The following ATP10B variants were observed in gnomAD, a reference collection of about 807,000 sequenced individuals.
The protein encoded by ATP10B is phospholipid-transporting ATPase VB.
In ATP10B, 122 loss-of-function variants were observed where a neutral mutation model predicts 141.2. The ratio of observed to expected loss-of-function variants is 0.86; its 90% CI spans 0.75 to 1.00. ATP10B has a LOEUF of 1.00. Ranked by LOEUF, ATP10B falls within the 50% of genes least tolerant of loss-of-function variation. The probability of loss-of-function intolerance (pLI) is 0.00; values close to 1 mark genes in which losing one functional copy is unlikely to be tolerated. For missense variants in ATP10B, 1,876 were observed against 1,825.3 expected, an observed-to-expected ratio of 1.03 and a Z score of -0.51; for synonymous variants, 685 against 692.0, an observed-to-expected ratio of 0.99 and a Z score of 0.16.
At position 160,602,154 on chromosome 5, in the gene ATP10B, G is replaced by A. The variant is rs552915740; in HGVS notation, c.3363+423C>T. Reference sequence around the variant, plus strand: ...CTAACTTTATAAACGATTACGATACGCTAATCACTTTATATACAAATTCTC... The same window carrying A: ...CTAACTTTATAAACGATTACGATACACTAATCACTTTATATACAAATTCTC... On this transcript the variant is annotated intron_variant, in intron 21 of 25. Coordinates refer to ENST00000327245, the MANE Select transcript of ATP10B (RefSeq NM_025153.3). Among the ~76,000 whole-genome samples the A allele has an allele frequency of 1.7e-4, 26 of 152,222 alleles. No homozygotes were observed. The South Asian group carries it at 5.0e-3, about 29-fold the overall frequency.
At chr5:160,831,580 TC>T (rs1287381572) in intron 1 of ATP10B, among the ~76,000 whole-genome samples, 2 of 152,070 alleles carry the variant, frequency 1.3e-5, no homozygotes, top group African/African-American at 4.8e-5. Context: ...AGGTAACACC[TC>T]AGGCTTCCTT....
intron 17 of ATP10B, chr5:160,613,865 A>T (rs1431600839): frequency 6.6e-6 from 1 of 152,242 alleles, no homozygotes. Flanking sequence ...TTCATTTCAG[A>T]TCACAGACTA....
intron 4 of ATP10B, among the ~76,000 whole-genome samples, 196 bp from the exon 5 acceptor site, chr5:160,688,290 T>C (rs150807081): frequency 1.3e-5 from 2 of 152,326 alleles, no homozygotes; most frequent in East Asian, 1.9e-4. Flanking sequence ...ATTTCTGACA[T>C]TAGAGTCATA....
At chr5:160,898,677 T>C in the ATP10B span, among the ~76,000 whole-genome samples, 1 of 152,192 alleles carries the variant, frequency 6.6e-6, no homozygotes, top group Non-Finnish European at 1.5e-5. Context: ...ATCATTCTAC[T>C]ATAAAGACAC....
upstream of ATP10B, among the ~76,000 whole-genome samples, chr5:160,853,525 T>C (rs1158947522): frequency 6.6e-6 from 1 of 152,170 alleles, no homozygotes; most frequent in Non-Finnish European, 1.5e-5. Flanking sequence ...TTTCCATCAC[T>C]GGTCTTTCTC....
At chr5:160,929,066 G>A in the ATP10B span, among the ~76,000 whole-genome samples, 1 of 152,182 alleles carries the variant, frequency 6.6e-6, no homozygotes, top group African/African-American at 2.4e-5. Flanking sequence ...GGCTGAGGGT[G>A]AAAACAGCTT....
At chr5:160,628,169 G>C (rs758045866) in intron 13 of ATP10B, among the ~76,000 whole-genome samples, 2 of 152,258 alleles carry the variant, frequency 1.3e-5, no homozygotes, top group Non-Finnish European at 2.9e-5. Flanking sequence ...GGATTGTTAG[G>C]GGAAGCTTTT....
chr5:160,646,795 G>C (rs940658185), intron 8 of ATP10B, among the ~76,000 whole-genome samples: 3 of 152,214 alleles, frequency 2.0e-5, no homozygotes, highest in Non-Finnish European at 4.4e-5. Context: ...AAAAGGATTT[G>C]CTATCTTATA....
chr5:160,565,357 G>A lies in ATP10B; in HGVS notation c.*96C>T, dbSNP rs1754467680. On this transcript the variant is annotated 3_prime_UTR_variant, in exon 26 of 26. Coordinates refer to ENST00000327245, the MANE Select transcript of ATP10B (RefSeq NM_025153.3). ...GTTGTTGAAGAAAAGAATAAGACTG[G>A]CACATTGTTTCCTCTATGAAGAAGA... is the stretch of plus-strand genomic sequence containing the variant. 8.0e-7 allele frequency: 1 copy of A among 1,243,746 alleles called. No homozygotes were observed. The highest frequency in any genetic ancestry group is 1.5e-5 in the African/African-American group (1 of 66,738). 77.0% of individuals were successfully genotyped at this position (1,243,746 alleles called of 1,614,324 possible). A position where few individuals can be genotyped will look rare whatever the true frequency, so the allele number is the denominator to read the frequency against.
At chr5:160,900,686 C>T in the ATP10B span, among the ~76,000 whole-genome samples, 3 of 152,074 alleles carry the variant, frequency 2.0e-5, no homozygotes, top group African/African-American at 7.2e-5. Flanking sequence ...ACATAAAGAA[C>T]ACATTCAATA....
At chr5:160,829,936 C>T (rs1774946706) in intron 1 of ATP10B, among the ~76,000 whole-genome samples, 1 of 151,992 alleles carries the variant, frequency 6.6e-6, no homozygotes, top group South Asian at 2.1e-4. Context: ...TATCCGGATG[C>T]CTTTTATTTC....
chr5:160,697,452 A>G (rs1764435680), intron 3 of ATP10B, among the ~76,000 whole-genome samples: 1 of 152,202 alleles, frequency 6.6e-6, no homozygotes, highest in Non-Finnish European at 1.5e-5. Flanking sequence ...TCTTATGAGC[A>G]CAAAAAAGTG....
intron 1 of ATP10B, among the ~76,000 whole-genome samples, chr5:160,810,593 A>G (rs1254528256): frequency 1.3e-5 from 2 of 152,124 alleles, no homozygotes; most frequent in Admixed American, 6.6e-5. Context: ...TGCTAAATGT[A>G]TTATTCATGT....
chr5:160,616,291 T>G (rs1243778727), intron 16 of ATP10B, among the ~76,000 whole-genome samples: 1 of 152,160 alleles, frequency 6.6e-6, no homozygotes, highest in African/African-American at 2.4e-5. Flanking sequence ...CAGGGAATGC[T>G]AGGTAGTAAA....
intron 24 of ATP10B, among the ~76,000 whole-genome samples, chr5:160,574,035 T>C (rs1459249878): frequency 1.3e-5 from 2 of 152,224 alleles, no homozygotes; most frequent in African/African-American, 4.8e-5. Flanking sequence ...CAAATAACTC[T>C]TCAGAGTTTA....
the ATP10B span, among the ~76,000 whole-genome samples, chr5:160,858,469 T>A: frequency 6.6e-6 from 1 of 152,010 alleles, no homozygotes; most frequent in African/African-American, 2.4e-5. Flanking sequence ...GTCACTGGTA[T>A]GTAAACTGTG....
At chr5:160,919,007 C>T in the ATP10B span, among the ~76,000 whole-genome samples, 5 of 151,062 alleles carry the variant, frequency 3.3e-5, no homozygotes, top group Admixed American at 2.0e-4. Flanking sequence ...GGGCGGATCA[C>T]GAGGTCAGGA....
chr5:160,908,598 G>C, the ATP10B span, among the ~76,000 whole-genome samples: 3 of 152,112 alleles, frequency 2.0e-5, no homozygotes, highest in Non-Finnish European at 4.4e-5. Context: ...TCTCCAAGAG[G>C]ACCCTGGGGT....
chr5:160,648,977 ATAAC>A (rs550664154), intron 8 of ATP10B, among the ~76,000 whole-genome samples, 190 bp downstream of exon 8: 157 of 149,188 alleles, frequency 1.1e-3, no homozygotes, highest in African/African-American at 3.3e-3. Flanking sequence ...TGCAACATAA[ATAAC>A]TATCACTCAG....
Sources: allele counts gnomAD v4.1 joint callset (sites outside exome capture counted in the v4.1 genomes callset), GRCh38; gene constraint gnomAD v4.1.1; transcripts MANE v1.5; gene names NCBI Gene and HGNC (gene_info 2026-07-23, HGNC 2026-07-21).